Variants in KDM4B observed in about 807,000 individuals in gnomAD.
The protein encoded by KDM4B is lysine demethylase 4B.
KDM4B carries 32 observed loss-of-function variants against 125.2 expected under a neutral mutation model. The ratio of observed to expected loss-of-function variants is 0.26; its 90% CI spans 0.19 to 0.34. The LOEUF is 0.34. Ranked by LOEUF, KDM4B falls within the 10% of genes least tolerant of loss-of-function variation. The pLI is 1.00. For missense variants in KDM4B, 1,190 were observed against 1,577.7 expected, an observed-to-expected ratio of 0.75 and a Z score of 4.16; for synonymous variants, 721 against 677.9, an observed-to-expected ratio of 1.06 and a Z score of -0.99.
chr19:4,993,575 CATT>C (rs2035097184), intron 1 of KDM4B, among the ~76,000 whole-genome samples: 1 of 151,836 alleles, frequency 6.6e-6, no homozygotes, highest in South Asian at 2.1e-4. Flanking sequence ...ACCTTTTTAT[CATT>C]ATAAAATGTC....
At chr19:5,012,369 GT>G (rs1232235121) in intron 1 of KDM4B, among the ~76,000 whole-genome samples, 1 of 152,192 alleles carries the variant, frequency 6.6e-6, no homozygotes, top group Admixed American at 6.5e-5. Context: ...TGATTAACAC[GT>G]TGTTAATGAC....
intron 21 of KDM4B, among the ~76,000 whole-genome samples, chr19:5,146,923 ACTGAGACC>A (rs1190309207): frequency 6.4e-5 from 8 of 124,742 alleles, no homozygotes; most frequent in Non-Finnish European, 9.5e-5. Context: ...CTTGGGTGAC[ACTGAGACC>A]CTGTCTCCAA....
In KDM4B at chr19:5,015,647, C is replaced by T. The variant is rs369975299; in HGVS notation, c.-108-610C>T. 6.7e-4 allele frequency among the ~76,000 whole-genome samples: 102 copies of T among 152,200 alleles called. 2 individuals are homozygous for T. The East Asian group carries it at 0.015, about 23-fold the overall frequency. On this transcript the variant is annotated intron_variant, in intron 1 of 22. Transcript: ENST00000159111. ...GGAGGATCACTTGAGGCCAGGAGCT[C>T]GAGACCAGCCTGGACGCTATAGTGA...
intron 9 of KDM4B, among the ~76,000 whole-genome samples, chr19:5,099,996 T>A (rs1026389007): frequency 1.3e-5 from 2 of 152,254 alleles, no homozygotes; most frequent in Admixed American, 1.3e-4. Flanking sequence ...TGGCGGATAG[T>A]TTGGCTGGGT....
rs1401350547 is a variant in KDM4B at position 5,137,338 on chromosome 19, G to A, written c.2385G>A (p.Ala795=). The A allele has an allele frequency of 1.9e-6, 3 of 1,563,876 alleles. No homozygotes were observed. The highest frequency in any genetic ancestry group is 2.4e-5 in the East Asian group (1 of 42,256). ...GGTGCGCGGCCCACGCCTGGACTGC[G>A]GTAACTCGCTCCCCGCAGCGGGGGT... The part of the protein sequence containing the change: ...CSRCAAHAWT[A]ECCLCNLRGG... Residue 795 remains alanine (A), a splice_region_variant and synonymous_variant, in exon 16 of 23, where the codon GCG becomes GCA. Transcript: ENST00000159111.
chr19:5,120,352 G>T (rs1392992357), intron 11 of KDM4B, among the ~76,000 whole-genome samples: 2 of 152,202 alleles, frequency 1.3e-5, no homozygotes, highest in African/African-American at 4.8e-5. Flanking sequence ...AGACCAGGAT[G>T]CTGTATATGG....
rs1371350168 is a variant in KDM4B at position 5,016,351 on chromosome 19, G to A, written c.-26+12G>A. ...CTCGCCATCCAGAAGTAAGTAACACGGGCCTGGCCCCCAGGTGGCCCCACA... is the reference window on the plus strand; with the variant it reads ...CTCGCCATCCAGAAGTAAGTAACACAGGCCTGGCCCCCAGGTGGCCCCACA... On this transcript the variant is annotated intron_variant, in intron 2 of 22. Transcript: ENST00000159111. 6.6e-6 allele frequency: 1 copy of A among 152,194 alleles called. No homozygotes were observed. 9.4% of individuals were successfully genotyped at this position (152,194 alleles called of 1,614,324 possible).
At chr19:5,038,747 C>T (rs1049632906) in intron 3 of KDM4B, among the ~76,000 whole-genome samples, 1 of 152,208 alleles carries the variant, frequency 6.6e-6, no homozygotes, top group African/African-American at 2.4e-5. Flanking sequence ...GGGAGCTCTG[C>T]CATTCCTCCC....
rs767134489 is a variant in KDM4B, at chr19:5,142,391, G to C, written c.2551-1576G>C. Among the ~76,000 whole-genome samples the C allele has an allele frequency of 6.6e-6, 1 of 152,188 alleles. No individual in the cohort carries two copies. The highest frequency in any genetic ancestry group is 1.5e-5 in the Non-Finnish European group (1 of 68,032). The stretch of plus-strand genomic sequence containing the variant: ...GCGTGACTGGACCTCGCCTTAGTAG[G>C]GGTGGCTCTGGGCAACCTCGGCCCC... On this transcript the variant is annotated intron_variant, in intron 18 of 22. Coordinates refer to ENST00000159111, the MANE Select transcript of KDM4B (RefSeq NM_015015.3). The surrounding 1 kb of genome is among the most constrained non-coding windows in gnomAD (Gnocchi z 5.4).
chr19:4,985,973 A>G (rs2034816623), intron 1 of KDM4B, among the ~76,000 whole-genome samples: 1 of 152,212 alleles, frequency 6.6e-6, no homozygotes, highest in Admixed American at 6.5e-5. Flanking sequence ...GGCCTGAAAC[A>G]GCCCAGAAGA....
intron 9 of KDM4B, among the ~76,000 whole-genome samples, chr19:5,098,882 A>G (rs1299309932): frequency 2.6e-5 from 4 of 152,082 alleles, no homozygotes; most frequent in African/African-American, 9.7e-5. Context: ...GAAATAAGCA[A>G]TTTGCTTATG....
intron 1 of KDM4B, among the ~76,000 whole-genome samples, chr19:4,980,066 C>T (rs1029328327): frequency 6.6e-6 from 1 of 151,882 alleles, no homozygotes; most frequent in African/African-American, 2.4e-5. Flanking sequence ...GATCATGCCA[C>T]TGCACTCCAG....
At chr19:5,111,690 C>A in intron 10 of KDM4B, 1 of 740,666 alleles carries the variant, frequency 1.4e-6, no homozygotes, top group Non-Finnish European at 2.5e-6. Context: ...GAGCTGGAGC[C>A]GGGAGGGACG....
At chr19:5,053,192 C>T (rs1202505122) in intron 6 of KDM4B, among the ~76,000 whole-genome samples, 3 of 152,258 alleles carry the variant, frequency 2.0e-5, no homozygotes, top group African/African-American at 7.2e-5. Flanking sequence ...TAGTTGCTCC[C>T]TCCTCTCCTT....
rs1185005916 is a variant in KDM4B at position 5,013,972 on chromosome 19, C to T, written c.-108-2285C>T. On this transcript the variant is annotated intron_variant, in intron 1 of 22. Coordinates refer to ENST00000159111, the MANE Select transcript of KDM4B (RefSeq NM_015015.3). ...CGCTCATCTGGCACAGGGGAAGAGG[C>T]GCAGCCCGTGGCCCGGCAGTCCAGG... Among the ~76,000 whole-genome samples the T allele has an allele frequency of 5.9e-5, 9 of 152,244 alleles. No individual in the cohort carries two copies. In the East Asian group the frequency reaches 1.2e-3, roughly 20 times the overall value.
In KDM4B at chr19:5,129,748, G is replaced by A. The variant is rs149962737; in HGVS notation, c.1316-1328G>A. 5.9e-3 allele frequency among the ~76,000 whole-genome samples: 897 copies of A among 152,344 alleles called. 29 individuals are homozygous for A. The highest frequency in any genetic ancestry group is 0.053 in the Admixed American group (805 of 15,308). ...AGCCTTAGGGCCTGGAGACACACAG[G>A]TGGGGGCCTGAGCCCCTGTCCCCCT... On this transcript the variant is annotated intron_variant, in intron 11 of 22. Transcript: ENST00000159111.
At chr19:5,057,252 C>T (rs1267363008) in intron 6 of KDM4B, among the ~76,000 whole-genome samples, 3 of 152,090 alleles carry the variant, frequency 2.0e-5, no homozygotes, top group Admixed American at 6.6e-5. Flanking sequence ...TGCCTGTGGC[C>T]CGGGCAGTGA....
chr19:5,122,874 C>T (rs973109442), intron 11 of KDM4B, among the ~76,000 whole-genome samples: 3 of 152,238 alleles, frequency 2.0e-5, no homozygotes, highest in African/African-American at 7.2e-5. Context: ...CCCTGGAAGC[C>T]GGTGCAGCGG....
At chr19:5,090,631 G>A (rs866242794) in intron 9 of KDM4B, among the ~76,000 whole-genome samples, 43 of 103,960 alleles carry the variant, frequency 4.1e-4, no homozygotes, top group Middle Eastern at 4.0e-3. Context: ...CCCGCTGCGC[G>A]CGTGCGCCCC....
Sources: gnomAD v4.1 joint callset for allele counts (sites outside exome capture counted in the v4.1 genomes callset) on GRCh38, gnomAD v4.1.1 for gene constraint, Gnocchi (gnomAD v3.1) non-coding constraint, MANE v1.5 for transcripts, NCBI Gene and HGNC (gene_info 2026-07-23, HGNC 2026-07-21) for gene names.